Variants in PGM5 observed in about 807,000 individuals in gnomAD.
The protein encoded by PGM5 is phosphoglucomutase 5.
In PGM5, 23 loss-of-function variants were observed where a neutral mutation model predicts 59.2. The observed-to-expected ratio is 0.39, with a 90% CI of 0.28 to 0.55. The LOEUF is 0.55. Among genes scored for constraint, PGM5 ranks in the 20% least tolerant of loss-of-function variants. The pLI is 0.66. For synonymous variants in PGM5, 214 were observed against 286.0 expected, an observed-to-expected ratio of 0.75 and a Z score of 2.54; for missense variants, 574 against 748.3, an observed-to-expected ratio of 0.77 and a Z score of 2.72.
At chr9:68,503,041 C>A (rs1274796638) in intron 10 of PGM5, among the ~76,000 whole-genome samples, 1 of 152,106 alleles carries the variant, frequency 6.6e-6, no homozygotes, top group Non-Finnish European at 1.5e-5. Flanking sequence ...CAACTAATAC[C>A]TAAGAACCAG....
chr9:68,474,743 A>G (rs955956589), intron 7 of PGM5, among the ~76,000 whole-genome samples: 1 of 151,500 alleles, frequency 6.6e-6, no homozygotes, highest in Non-Finnish European at 1.5e-5. Context: ...GGTGAGTGGT[A>G]CTTACAGCTT....
chr9:68,396,433 G>A (rs527610071), intron 6 of PGM5: 1 of 152,134 alleles, frequency 6.6e-6, no homozygotes, highest in African/African-American at 2.4e-5. Flanking sequence ...AGGGGAGGCT[G>A]GTTTTATTCT....
chr9:68,466,199 G>A lies in PGM5; in HGVS notation c.1159+991G>A, dbSNP rs868976592. 4 of 1,292,838 alleles carry A rather than the reference G, an allele frequency of 3.1e-6. No homozygotes were observed. The Middle Eastern group carries it at 8.6e-4, about 278-fold the overall frequency. 80.1% of individuals were successfully genotyped at this position (1,292,838 alleles called of 1,614,324 possible). On this transcript the variant is annotated intron_variant, in intron 7 of 10. Coordinates refer to ENST00000396396, the MANE Select transcript of PGM5 (RefSeq NM_021965.4). The stretch of plus-strand genomic sequence containing the variant: ...CTATTGGAACATCTTTAAGTTCACT[G>A]ATTCTTTCCTTAGCTGTGTCCAATC...
intron 7 of PGM5, among the ~76,000 whole-genome samples, chr9:68,475,109 G>T (rs1013071495): frequency 4.0e-5 from 6 of 151,058 alleles, no homozygotes; most frequent in African/African-American, 1.5e-4. Context: ...TACCTTCTGG[G>T]TTCAAATGAT....
chr9:68,387,210 C>A (rs576032745), intron 3 of PGM5, among the ~76,000 whole-genome samples: 1 of 151,950 alleles, frequency 6.6e-6, no homozygotes, highest in Middle Eastern at 3.2e-3. Flanking sequence ...TTGATATTTT[C>A]CTTGCAAAGA....
intron 1 of PGM5, among the ~76,000 whole-genome samples, chr9:68,360,950 G>A (rs1834564839): frequency 1.3e-5 from 2 of 152,026 alleles, no homozygotes; most frequent in Non-Finnish European, 2.9e-5. Context: ...ACAAAGTCTT[G>A]CTCTTTCACA....
At chr9:68,466,079 T>C (rs1393485643) in intron 7 of PGM5, 16 of 1,164,828 alleles carry the variant, frequency 1.4e-5, no homozygotes, top group Non-Finnish European at 1.6e-5. Flanking sequence ...ATTACACATG[T>C]GTTAGATAAT....
chr9:68,403,545 T>C (rs1165406297), intron 6 of PGM5, among the ~76,000 whole-genome samples: 1 of 152,212 alleles, frequency 6.6e-6, no homozygotes, highest in Non-Finnish European at 1.5e-5. Context: ...TTGATTGTCA[T>C]ACAAACCTTC....
At position 68,356,936 on chromosome 9, in the gene PGM5, A is replaced by G; in HGVS notation, c.-192A>G. The G allele has an allele frequency of 2.1e-6, 1 of 471,890 alleles. No individual in the cohort carries two copies. Among genetic ancestry groups the G allele is most frequent in the Non-Finnish European group, 3.6e-6 (1 of 278,382 alleles). 29.2% of individuals were successfully genotyped at this position (471,890 alleles called of 1,614,324 possible). A position where few individuals can be genotyped will look rare whatever the true frequency, so the allele number is the denominator to read the frequency against. ...CAATCTCTGCCGAGAGAGTCAGCCG[A>G]GCGGCCGCGCGGAGAGGAGGGGCGG... On this transcript the variant is annotated 5_prime_UTR_variant, in exon 1 of 11. Coordinates refer to ENST00000396396, the MANE Select transcript of PGM5 (RefSeq NM_021965.4).
chr9:68,412,642 C>T (rs539896296), intron 6 of PGM5, among the ~76,000 whole-genome samples: 10 of 152,252 alleles, frequency 6.6e-5, no homozygotes, highest in East Asian at 5.8e-4. Flanking sequence ...CTGCTACAAA[C>T]GGTTAGGTAT....
At chr9:68,522,344 G>C (rs1824911928) in intron 10 of PGM5, among the ~76,000 whole-genome samples, 1 of 152,178 alleles carries the variant, frequency 6.6e-6, no homozygotes, top group African/African-American at 2.4e-5. Flanking sequence ...ATGGGGATGA[G>C]AATGAGGAAG....
intron 6 of PGM5, chr9:68,394,006 A>T (rs1219053786): frequency 6.6e-6 from 1 of 152,178 alleles, no homozygotes; most frequent in Non-Finnish European, 1.5e-5. Flanking sequence ...AAAGCCAGTA[A>T]CAAACAAATA....
chr9:68,380,605 C>A, intron 2 of PGM5, among the ~76,000 whole-genome samples: 1 of 151,398 alleles, frequency 6.6e-6, no homozygotes, highest in South Asian at 2.1e-4. Context: ...AGAACAGAAG[C>A]AAATAAAATG....
chr9:68,493,649 T>G (rs1824436218), intron 9 of PGM5, among the ~76,000 whole-genome samples: 1 of 152,234 alleles, frequency 6.6e-6, no homozygotes, highest in Non-Finnish European at 1.5e-5. Context: ...GCTGTATTAT[T>G]TTTCAACTGC....
In PGM5 at chr9:68,387,575, C is replaced by G; in HGVS notation, c.684C>G (p.Asp228Glu). The change falls in exon 4 of 11, where the codon GAC becomes GAG. Residue 228 changes from aspartate (D) to glutamate (E), a missense_variant. Asp to Glu is a conservative substitution (Grantham distance 45, BLOSUM62 2). Coordinates refer to ENST00000396396, the MANE Select transcript of PGM5 (RefSeq NM_021965.4). ...TGPSQLKIRI[D>E]AMHGVMGPYV... is the part of the protein sequence containing the mutation. ...CCAGCCAACTGAAGATTCGCATTGA[C>G]GCAATGCACGGAGGTAAGCTTGTGA... The G allele has an allele frequency of 1.9e-6, 3 of 1,611,868 alleles. No individual in the cohort carries two copies. Among genetic ancestry groups the G allele is most frequent in the Middle Eastern group, 3.3e-4 (2 of 6,038 alleles).
At chr9:68,518,109 G>A (rs1238448084) in intron 10 of PGM5, among the ~76,000 whole-genome samples, 6 of 152,204 alleles carry the variant, frequency 3.9e-5, no homozygotes, top group African/African-American at 1.2e-4. Flanking sequence ...TGGCATTTTC[G>A]TGTGGCCAAA....
intron 6 of PGM5, chr9:68,396,471 C>T (rs1185769663): frequency 3.9e-5 from 6 of 152,296 alleles, no homozygotes; most frequent in African/African-American, 1.4e-4. Flanking sequence ...GTCCTTGTTT[C>T]TTGTGGAAAT....
chr9:68,413,989 A>G (rs1409586207), intron 6 of PGM5, among the ~76,000 whole-genome samples: 2 of 152,188 alleles, frequency 1.3e-5, no homozygotes, highest in African/African-American at 4.8e-5. Context: ...TCATGAGATG[A>G]GGACAGATCC....
At chr9:68,368,807 T>C (rs1445693078) in intron 1 of PGM5, among the ~76,000 whole-genome samples, 5 of 152,278 alleles carry the variant, frequency 3.3e-5, no homozygotes, top group African/African-American at 1.2e-4. Context: ...CATGGCCAGC[T>C]AATTTTTCTT....
Sources: gnomAD v4.1 joint callset for allele counts (sites outside exome capture counted in the v4.1 genomes callset) on GRCh38, gnomAD v4.1.1 for gene constraint, MANE v1.5 for transcripts, NCBI Gene and HGNC (gene_info 2026-07-23, HGNC 2026-07-21) for gene names.